Variants in DACH2 observed in about 807,000 individuals in gnomAD.
The protein encoded by DACH2 is dachshund family transcription factor 2.
Under a neutral mutation model 35.8 loss-of-function variants are expected in DACH2, and 17 were observed. The ratio of observed to expected loss-of-function variants is 0.48; its 90% CI spans 0.33 to 0.71. The LOEUF is 0.71. DACH2 is among the 30% of genes least tolerant of loss of function. DACH2 has a pLI of 0.02. For missense variants in DACH2, 469 were observed against 472.7 expected (o/e 0.99, Z 0.07); for synonymous variants, 195 against 177.3 (o/e 1.10, Z -0.79).
intron 1 of DACH2, among the ~76,000 whole-genome samples, chrX:86,177,928 A>C (rs2031357997): frequency 9.0e-6 from 1 of 111,425 alleles, no homozygotes; most frequent in Non-Finnish European, 1.9e-5. Flanking sequence ...AGTGTTGTAG[A>C]AAGACTGTTT....
At chrX:86,649,253 T>C (rs1221496876) in intron 3 of DACH2, among the ~76,000 whole-genome samples, 1 of 111,068 alleles carries the variant, frequency 9.0e-6, no homozygotes. Flanking sequence ...ATACCTTTAG[T>C]TTTCAGAGTT....
In DACH2 at chrX:86,653,143, G is replaced by C. The variant is rs6623752; in HGVS notation, c.772+1976G>C. 2.7e-5 allele frequency among the ~76,000 whole-genome samples: 3 copies of C among 110,980 alleles called. No homozygotes were observed. In the Admixed American group the frequency reaches 2.9e-4, roughly 11 times the overall value. On this transcript the variant is annotated intron_variant, in intron 4 of 11. Transcript: ENST00000373125. ...AAGAACGGGTCCAGTTTCAGTCTTC[G>C]GCATACAGCTAGCCAGTTATCCCAG...
intron 2 of DACH2, among the ~76,000 whole-genome samples, chrX:86,395,891 G>C (rs978622894): frequency 9.0e-6 from 1 of 111,358 alleles, no homozygotes; most frequent in African/African-American, 3.3e-5. Flanking sequence ...ATAATCCTTT[G>C]GGTATATACC....
At chrX:86,630,611 A>G (rs1326900817) in intron 3 of DACH2, among the ~76,000 whole-genome samples, 3 of 111,316 alleles carry the variant, frequency 2.7e-5, no homozygotes, top group Non-Finnish European at 5.6e-5. Flanking sequence ...AAAAGTTGAT[A>G]TAAGACAGGT....
chrX:86,570,305 C>T (rs1195972597), intron 3 of DACH2, among the ~76,000 whole-genome samples: 1 of 111,368 alleles, frequency 9.0e-6, no homozygotes, highest in Non-Finnish European at 1.9e-5. Flanking sequence ...CATTGCAGCA[C>T]TATTCACAAC....
intron 2 of DACH2, among the ~76,000 whole-genome samples, chrX:86,452,763 A>T (rs960442763): frequency 7.2e-5 from 8 of 110,885 alleles, no homozygotes; most frequent in African/African-American, 2.3e-4. Flanking sequence ...TTTTTAAAAA[A>T]TCAGCTTCTA....
intron 7 of DACH2, among the ~76,000 whole-genome samples, chrX:86,760,535 G>T (rs2041869985): frequency 9.0e-6 from 1 of 111,329 alleles, no homozygotes; most frequent in Non-Finnish European, 1.9e-5. Context: ...GAATTATTCA[G>T]TTCCAAAATT....
At chrX:86,357,363 T>G (rs1167100261) in intron 1 of DACH2, among the ~76,000 whole-genome samples, 1 of 112,447 alleles carries the variant, frequency 8.9e-6, no homozygotes, top group Non-Finnish European at 1.9e-5. Context: ...GTTCTGTGTT[T>G]TAGTTTTAGG....
intron 2 of DACH2, among the ~76,000 whole-genome samples, chrX:86,481,377 T>C: frequency 8.9e-6 from 1 of 112,017 alleles, no homozygotes; most frequent in Non-Finnish European, 1.9e-5. Context: ...ATTTGAGTTT[T>C]GTGAGTCATT....
intron 7 of DACH2, among the ~76,000 whole-genome samples, chrX:86,745,120 C>A (rs1373596497): frequency 1.8e-5 from 2 of 111,565 alleles, no homozygotes; most frequent in East Asian, 5.6e-4. Context: ...ACAATAAATT[C>A]ACCATCCAGC....
chrX:86,494,650 T>A (rs2038140893), intron 2 of DACH2, among the ~76,000 whole-genome samples: 1 of 112,576 alleles, frequency 8.9e-6, no homozygotes, highest in Non-Finnish European at 1.9e-5. Flanking sequence ...CTTGTATTTT[T>A]TTGGTATAAA....
intron 7 of DACH2, among the ~76,000 whole-genome samples, chrX:86,752,219 G>A (rs2041781214): frequency 9.0e-6 from 1 of 110,904 alleles, no homozygotes; most frequent in Non-Finnish European, 1.9e-5. Flanking sequence ...AATTTGAAAT[G>A]TTAAAAAAAC....
At chrX:86,765,698 G>GTTTTTTTTTTTTTTT (rs60709865) in intron 7 of DACH2, among the ~76,000 whole-genome samples, 5 of 24,635 alleles carry the variant, frequency 2.0e-4, no homozygotes, top group Non-Finnish European at 3.3e-4. Context: ...TTGTTTTTTG[G>GTTTTTTTTTTTTTTT]TTTTTTTTTT....
intron 1 of DACH2, among the ~76,000 whole-genome samples, chrX:86,303,378 A>T (rs985799957): frequency 1.8e-5 from 2 of 110,158 alleles, no homozygotes; most frequent in African/African-American, 6.6e-5. Flanking sequence ...TCCATTTGTT[A>T]TATTGGCTAT....
At chrX:86,318,164 A>G (rs1420532044) in intron 1 of DACH2, among the ~76,000 whole-genome samples, 1 of 112,285 alleles carries the variant, frequency 8.9e-6, no homozygotes, top group Admixed American at 9.5e-5. Context: ...CCTTGTTTAC[A>G]GGAGTATACC....
At chrX:86,450,578 G>T (rs773018569) in intron 2 of DACH2, among the ~76,000 whole-genome samples, 1 of 110,906 alleles carries the variant, frequency 9.0e-6, no homozygotes, top group South Asian at 3.8e-4. Context: ...ATTCCTTCGG[G>T]TATGTCCCCA....
chrX:86,819,409 C>A (rs1012610509), intron 11 of DACH2, among the ~76,000 whole-genome samples: 16 of 110,594 alleles, frequency 1.4e-4, no homozygotes, highest in African/African-American at 5.2e-4. Context: ...AATAAACATA[C>A]CGAGTGTCAT....
At chrX:86,325,143 G>A in intron 1 of DACH2, among the ~76,000 whole-genome samples, 2 of 111,271 alleles carry the variant, frequency 1.8e-5, no homozygotes, top group Non-Finnish European at 3.8e-5. Context: ...TTTTTGTGGT[G>A]GCCTGAAACC....
chrX:86,359,084 C>CGTGT (rs1556037574), intron 1 of DACH2, among the ~76,000 whole-genome samples: 2,021 of 98,453 alleles, frequency 0.021, 25 homozygotes, highest in Middle Eastern at 0.043. Flanking sequence ...TATATTTTGT[C>CGTGT]GTGTGTGTGT....
Sources: gnomAD v4.1 joint callset for allele counts (sites outside exome capture counted in the v4.1 genomes callset) on GRCh38, gnomAD v4.1.1 for gene constraint, MANE v1.5 for transcripts, NCBI Gene and HGNC (gene_info 2026-07-23, HGNC 2026-07-21) for gene names.